The following HK2 variants were observed in gnomAD, a reference collection of about 807,000 sequenced individuals.
The protein encoded by HK2 is hexokinase 2, also known as hexokinase-2.
HK2 carries 42 observed loss-of-function variants against 92.9 expected under a neutral mutation model. The observed-to-expected ratio is 0.45, with a 90% CI of 0.35 to 0.58. The LOEUF (loss-of-function observed/expected upper bound fraction) is 0.58. HK2 is among the 20% of genes least tolerant of loss of function. HK2 has a pLI of 0.00. For synonymous variants in HK2, 422 were observed against 468.0 expected, an observed-to-expected ratio of 0.90 and a Z score of 1.27; for missense variants, 978 against 1,245.1, an observed-to-expected ratio of 0.79 and a Z score of 3.23.
At chr2:74,849,383 A>G (rs565082681) in intron 1 of HK2, among the ~76,000 whole-genome samples, 3 of 152,280 alleles carry the variant, frequency 2.0e-5, no homozygotes, top group Admixed American at 1.3e-4. Flanking sequence ...AATATCAACT[A>G]ACAGTGCTAT....
In HK2 at chr2:74,862,043, C is replaced by T. The variant is rs913365170; in HGVS notation, c.227-5593C>T. ...CAGGGAACCATGATGCTGATGGTGACGGTGATGATGATGATGATAAAAATT... is the reference window on the plus strand; with the variant it reads ...CAGGGAACCATGATGCTGATGGTGATGGTGATGATGATGATGATAAAAATT... On this transcript the variant is annotated intron_variant, in intron 2 of 17. Transcript: ENST00000290573. 1.3e-4 allele frequency among the ~76,000 whole-genome samples: 20 copies of T among 152,294 alleles called. 1 individual carries two copies. The highest frequency in any genetic ancestry group is 6.2e-4 in the South Asian group (3 of 4,822).
intron 7 of HK2, 78 bp from the exon 8 acceptor site, chr2:74,877,088 C>T (rs1480832510): frequency 2.4e-5 from 38 of 1,572,084 alleles, no homozygotes; most frequent in South Asian, 6.7e-5. Context: ...TGCACGTGTG[C>T]GCATCTTGCT....
Position 74,890,981 on chromosome 2 carries a change from C to T in HK2, c.*40C>T. 2 of 1,609,370 alleles carry T rather than the reference C, an allele frequency of 1.2e-6. No homozygotes were observed. The highest frequency in any genetic ancestry group is 1.7e-6 in the Non-Finnish European group (2 of 1,178,220). ...GAAGGGACTTCCTCTTTCTCTCCTT[C>T]TTCCCTGTTTTAAATTATAAGATGT... On this transcript the variant is annotated 3_prime_UTR_variant, in exon 18 of 18. Transcript: ENST00000290573.
chr2:74,870,227 T>C lies in HK2; in HGVS notation c.376-2073T>C, dbSNP rs556341270. The stretch of plus-strand genomic sequence containing the variant: ...TAATTTTTTGAATCACCATGTTGGC[T>C]TTGAGCTTCTGACCTCAAGTGATCT... On this transcript the variant is annotated intron_variant, in intron 3 of 17. Transcript: ENST00000290573. 7.9e-5 allele frequency among the ~76,000 whole-genome samples: 12 copies of C among 152,184 alleles called. 1 individual carries two copies. The highest frequency in any genetic ancestry group is 2.0e-4 in the Admixed American group (3 of 15,282).
At chr2:74,881,567 T>C in intron 10 of HK2, 144 bp from the exon 11 acceptor site, 1 of 875,582 alleles carries the variant, frequency 1.1e-6, no homozygotes, top group Non-Finnish European at 1.9e-6. Flanking sequence ...AGCTGGACTC[T>C]TCTGTTCCTT....
chr2:74,884,048 C>T (rs750818448), intron 12 of HK2, among the ~76,000 whole-genome samples: 26 of 152,198 alleles, frequency 1.7e-4, no homozygotes, highest in Non-Finnish European at 1.9e-4. Context: ...TATCCTTCTT[C>T]TAGACTTCCT....
intron 10 of HK2, among the ~76,000 whole-genome samples, chr2:74,881,113 G>T (rs1283967674): frequency 3.3e-5 from 5 of 152,214 alleles, no homozygotes; most frequent in Admixed American, 3.3e-4. Flanking sequence ...GTTGCTTATG[G>T]TTGTTTTGCA....
chr2:74,834,753 G>C lies in HK2; in HGVS notation c.63+110G>C. On this transcript the variant is annotated intron_variant, in intron 1 of 17. Coordinates refer to ENST00000290573, the MANE Select transcript of HK2 (RefSeq NM_000189.5). The surrounding 1 kb of genome is among the most constrained non-coding windows in gnomAD (Gnocchi z 4.2). Reference sequence around the variant, plus strand: ...CCCGCTTCCTCCCTACTCCGGGCCTGGGAGCGGAAAAAGTTTGGGCAGCCG... The same window carrying C: ...CCCGCTTCCTCCCTACTCCGGGCCTCGGAGCGGAAAAAGTTTGGGCAGCCG... The C allele has an allele frequency of 7.9e-7, 1 of 1,258,782 alleles. No individual in the cohort carries two copies. The highest frequency in any genetic ancestry group is 1.7e-5 in the Admixed American group (1 of 57,346). The allele number at this position is 1,258,782 out of a possible 1,614,324, so 78.0% of individuals were successfully genotyped here.
chr2:74,836,182 C>G (rs1688160655), intron 1 of HK2, among the ~76,000 whole-genome samples: 1 of 152,148 alleles, frequency 6.6e-6, no homozygotes, highest in African/African-American at 2.4e-5. Context: ...CTTGGCAAGT[C>G]CTAAAATACA....
Position 74,886,279 on chromosome 2 carries a change from C to T in HK2, c.1936-15C>T. ...GGTTCACCTGTGAACTGGGCATCTGCTTCTTCCCTCTCAGGAGTTTGACCT... is the reference window on the plus strand; with the variant it reads ...GGTTCACCTGTGAACTGGGCATCTGTTTCTTCCCTCTCAGGAGTTTGACCT... On this transcript the variant is annotated splice_polypyrimidine_tract_variant and intron_variant, in intron 13 of 17. Transcript: ENST00000290573. 1 of 1,606,916 alleles carries T rather than the reference C, an allele frequency of 6.2e-7. No homozygotes were observed. Among genetic ancestry groups the T allele is most frequent in the Non-Finnish European group, 8.5e-7 (1 of 1,173,424 alleles).
At chr2:74,885,660 A>G (rs1251388025) in intron 13 of HK2, 71 bp downstream of exon 13, 24 of 1,033,764 alleles carry the variant, frequency 2.3e-5, no homozygotes, top group South Asian at 6.3e-5. Context: ...GTGTTCAGAA[A>G]GTGAAGGCAA....
chr2:74,881,992 C>T, intron 11 of HK2, 128 bp from the exon 12 acceptor site: 24 of 1,416,492 alleles, frequency 1.7e-5, no homozygotes, highest in Non-Finnish European at 2.4e-5. Flanking sequence ...CTGGTCTTGA[C>T]TCAGGTTTGT....
At chr2:74,873,716 G>A (rs1689154391) in intron 5 of HK2, 128 bp from the exon 6 acceptor site, 1 of 712,946 alleles carries the variant, frequency 1.4e-6, no homozygotes, top group Non-Finnish European at 2.5e-6. Context: ...CACAGGAGGA[G>A]TTATGGGGAG....
intron 4 of HK2, 29 bp from the exon 5 acceptor site, chr2:74,873,247 T>G: frequency 6.5e-7 from 1 of 1,534,940 alleles, no homozygotes; most frequent in African/African-American, 1.4e-5. Context: ...TAGTGGGAAA[T>G]CAATATTCAC....
intron 8 of HK2, among the ~76,000 whole-genome samples, chr2:74,878,278 CTG>C (rs1553449196): frequency 6.6e-6 from 1 of 152,238 alleles, no homozygotes; most frequent in Admixed American, 6.5e-5. Flanking sequence ...GAGACACTGT[CTG>C]TCTCCCCTAA....
At chr2:74,837,672 C>CTTTTTTTTTT (rs894014535) in intron 1 of HK2, among the ~76,000 whole-genome samples, 1 of 104,134 alleles carries the variant, frequency 9.6e-6, no homozygotes, top group Non-Finnish European at 1.9e-5. Flanking sequence ...TTGCCCTTGT[C>CTTTTTTTTTT]TTTTTTTTTT....
At chr2:74,864,690 A>G (rs1217710022) in intron 2 of HK2, among the ~76,000 whole-genome samples, 1 of 152,178 alleles carries the variant, frequency 6.6e-6, no homozygotes, top group African/African-American at 2.4e-5. Context: ...TATTATTAGT[A>G]GAGACAGGGT....
intron 2 of HK2, among the ~76,000 whole-genome samples, chr2:74,856,333 AC>A (rs1202264971): frequency 1.3e-5 from 2 of 152,070 alleles, no homozygotes; most frequent in Non-Finnish European, 1.5e-5. Context: ...CCCAGCCTGG[AC>A]CCAGTGCTGA....
intron 2 of HK2, among the ~76,000 whole-genome samples, chr2:74,859,595 A>G (rs1348157729): frequency 6.6e-6 from 1 of 152,190 alleles, no homozygotes; most frequent in Non-Finnish European, 1.5e-5. Flanking sequence ...CCCGGGAGGC[A>G]GAGCATTCCA....
Sources: allele counts gnomAD v4.1 joint callset (sites outside exome capture counted in the v4.1 genomes callset), GRCh38; gene constraint gnomAD v4.1.1; non-coding constraint Gnocchi (gnomAD v3.1); transcripts MANE v1.5; gene names NCBI Gene and HGNC (gene_info 2026-07-23, HGNC 2026-07-21).